MMS19: variants seen among roughly 807,000 people sequenced by gnomAD.
MMS19 encodes the protein MMS19 cytosolic iron-sulfur assembly component.
A neutral mutation model predicts 129.8 loss-of-function variants in MMS19; 77 were observed. That is an observed-to-expected ratio of 0.59 (90% CI 0.49 to 0.72). MMS19 has a LOEUF of 0.72. Among genes scored for constraint, MMS19 ranks in the 30% least tolerant of loss-of-function variants. MMS19 has a pLI of 0.00. For synonymous variants in MMS19, 491 were observed against 502.8 expected (o/e 0.98, Z 0.31); for missense variants, 1,168 against 1,266.3 (o/e 0.92, Z 1.18).
chr10:97,473,751 T>TACAAC (rs1346980112), intron 8 of MMS19, among the ~76,000 whole-genome samples: 2 of 152,162 alleles, frequency 1.3e-5, no homozygotes, highest in Non-Finnish European at 2.9e-5. Context: ...TATTGGGATA[T>TACAAC]AGCTACTGTA....
rs375900450 is a variant in MMS19, at chr10:97,465,656, T to C, written c.1756+149A>G. On this transcript the variant is annotated intron_variant, in intron 18 of 30. Coordinates refer to ENST00000438925, the MANE Select transcript of MMS19 (RefSeq NM_022362.5). ...AGTCCCATCCCTCCTCAGAGACTGA[T>C]TCAGTTGGACGCAGGCATCAGTATT... The C allele has an allele frequency of 2.7e-4, 209 of 761,590 alleles. No individual in the cohort carries two copies. In the African/African-American group the frequency reaches 3.4e-3, roughly 12 times the overall value. The allele number at this position is 761,590 out of a possible 1,614,324, so 47.2% of individuals were successfully genotyped here.
At position 97,458,730 on chromosome 10, in the gene MMS19, A is replaced by C; in HGVS notation, c.3066-11T>G. 6.2e-7 allele frequency: 1 copy of C among 1,612,086 alleles called. No individual in the cohort carries two copies. Among genetic ancestry groups the C allele is most frequent in the Non-Finnish European group, 8.5e-7 (1 of 1,178,998 alleles). ...CTCCCCAACAGAAACCTGTAGGCAAAAAGAAAGTTGGCAGCATTAGTGATG... is the reference window on the plus strand; with the variant it reads ...CTCCCCAACAGAAACCTGTAGGCAACAAGAAAGTTGGCAGCATTAGTGATG... On this transcript the variant is annotated splice_polypyrimidine_tract_variant and intron_variant, in intron 30 of 30. Transcript: ENST00000438925.
intron 2 of MMS19, among the ~76,000 whole-genome samples, chr10:97,483,221 T>A (rs2037201546): frequency 6.6e-6 from 1 of 152,058 alleles, no homozygotes; most frequent in Non-Finnish European, 1.5e-5. Flanking sequence ...CCTAGCTAAT[T>A]TTTTGTATTT....
chr10:97,492,318 C>T (rs1237006022), intron 1 of MMS19, among the ~76,000 whole-genome samples: 1 of 149,298 alleles, frequency 6.7e-6, no homozygotes, highest in Admixed American at 6.7e-5. Context: ...AAAAAAAATA[C>T]AAAAATATTA....
At position 97,465,773 on chromosome 10, in the gene MMS19, C is replaced by T. The variant is rs186570388; in HGVS notation, c.1756+32G>A. On this transcript the variant is annotated intron_variant, in intron 18 of 30. Coordinates refer to ENST00000438925, the MANE Select transcript of MMS19 (RefSeq NM_022362.5). ...TAGAGACTACAGCTCCCTATTCAGC[C>T]CAGTCCGTTGGTGGTTATTCCTAGT... 236 of 1,597,942 alleles carry T rather than the reference C, an allele frequency of 1.5e-4. 3 individuals are homozygous for T. The African/African-American group carries it at 2.6e-3, about 17-fold the overall frequency.
At chr10:97,496,033 G>A (rs1205913843) in intron 1 of MMS19, among the ~76,000 whole-genome samples, 1 of 152,094 alleles carries the variant, frequency 6.6e-6, no homozygotes, top group Non-Finnish European at 1.5e-5. Context: ...CGCCTACCTT[G>A]TTCTCTCAAA....
intron 19 of MMS19, among the ~76,000 whole-genome samples, chr10:97,463,612 T>C (rs2032650966): frequency 6.6e-6 from 1 of 152,210 alleles, no homozygotes; most frequent in African/African-American, 2.4e-5. Context: ...ACTAATCACA[T>C]AGCACTTCAT....
chr10:97,463,805 C>A, intron 19 of MMS19, 53 bp downstream of exon 19: 1 of 1,529,292 alleles, frequency 6.5e-7, no homozygotes, highest in Non-Finnish European at 9.0e-7. Context: ...TGCTGTTCAA[C>A]ACCAGCAGAG....
intron 1 of MMS19, among the ~76,000 whole-genome samples, chr10:97,490,418 A>T (rs2038674493): frequency 6.6e-6 from 1 of 152,188 alleles, no homozygotes; most frequent in Non-Finnish European, 1.5e-5. Context: ...TAACTCACAT[A>T]TATTGAAGAG....
rs1564617544 is a variant in MMS19, at chr10:97,460,910, GAGA to G, written c.2406_2408del (p.Leu803del). Reference sequence around the variant, plus strand: ...AGACTCCACTCCAACTCCTTACCCAGAGAAGAAGAGTGAAGGCCTGACTACGAC... The same window carrying G: ...AGACTCCACTCCAACTCCTTACCCAGAGAAGAGTGAAGGCCTGACTACGAC... On this transcript the variant is annotated inframe_deletion, in exon 24 of 31. Coordinates refer to ENST00000438925, the MANE Select transcript of MMS19 (RefSeq NM_022362.5). 5.1e-6 allele frequency: 8 copies of G among 1,577,342 alleles called. No homozygotes were observed. The Admixed American group carries it at 5.5e-5, about 11-fold the overall frequency.
intron 1 of MMS19, among the ~76,000 whole-genome samples, chr10:97,487,395 T>G (rs1156725906): frequency 1.3e-5 from 2 of 150,062 alleles, no homozygotes; most frequent in Admixed American, 6.7e-5. Flanking sequence ...CTCGGCTCAC[T>G]GCAAGCTCCG....
intron 19 of MMS19, among the ~76,000 whole-genome samples, chr10:97,463,339 T>C (rs1220288979): frequency 1.3e-5 from 2 of 152,126 alleles, no homozygotes; most frequent in African/African-American, 2.4e-5. Flanking sequence ...GTCTGACTAT[T>C]TGTAGAAACA....
intron 1 of MMS19, among the ~76,000 whole-genome samples, chr10:97,491,623 C>G (rs981014449): frequency 3.3e-5 from 5 of 152,132 alleles, no homozygotes; most frequent in African/African-American, 1.2e-4. Context: ...CGAAATCACG[C>G]CTGGGCGATA....
At position 97,468,975 on chromosome 10, in the gene MMS19, T is replaced by C. The variant is rs2034126097; in HGVS notation, c.1054A>G (p.Ile352Val). Residue 352 changes from isoleucine to valine, a missense_variant, in exon 12 of 31, where the codon ATT becomes GTT. By Grantham distance (29) the Ile-to-Val change is conservative (BLOSUM62 3). Coordinates refer to ENST00000438925, the MANE Select transcript of MMS19 (RefSeq NM_022362.5). ...EDLLDSFLSN[I>V]LQDCRHHLCE... ...GCCACGGCCCCATTACCCTGTAGAA[T>C]GTTGCTAAGGAAGGAGTCAAGGAGG... The C allele has an allele frequency of 6.3e-7, 1 of 1,588,958 alleles. No individual in the cohort carries two copies. The highest frequency in any genetic ancestry group is 1.8e-5 in the Admixed American group (1 of 57,054).
At chr10:97,468,527 G>T in intron 12 of MMS19, 121 bp from the exon 13 acceptor site, 1 of 979,972 alleles carries the variant, frequency 1.0e-6, no homozygotes, top group Non-Finnish European at 1.4e-6. Flanking sequence ...CACTCAAATT[G>T]TTTTCAATTC....
rs2033432892 is a variant in MMS19 at position 97,466,139 on chromosome 10, G to A, written c.1526C>T (p.Ala509Val). The stretch of plus-strand genomic sequence containing the variant: ...GTAGAGAGCAGCCAGGGTTCCTGAT[G>A]CTTCCAGTGCTGCCACCCTGCTGGA... ...SQSCRVAALE[A>V]SGTLAALYPV... is the part of the protein sequence containing the mutation. The change falls in exon 17 of 31, where the codon GCA (alanine) becomes GTA (valine). Residue 509 changes from alanine (A) to valine (V), a missense_variant. Ala to Val is a moderately conservative substitution (Grantham distance 64, BLOSUM62 0). Transcript: ENST00000438925. 1 of 1,574,982 alleles carries A rather than the reference G, an allele frequency of 6.3e-7. No individual in the cohort carries two copies. Among genetic ancestry groups the A allele is most frequent in the Non-Finnish European group, 8.6e-7 (1 of 1,160,240 alleles).
chr10:97,482,150 C>G (rs925724141), intron 2 of MMS19, among the ~76,000 whole-genome samples: 1 of 151,690 alleles, frequency 6.6e-6, no homozygotes, highest in African/African-American at 2.4e-5. Flanking sequence ...CACTCTAGCT[C>G]GATTAACAGA....
chr10:97,469,995 C>T, intron 10 of MMS19, 134 bp downstream of exon 10: 1 of 705,764 alleles, frequency 1.4e-6, no homozygotes, highest in Middle Eastern at 2.6e-4. Flanking sequence ...TTCAGGTCGA[C>T]ACAAAGGCCC....
chr10:97,490,263 A>G (rs949183159), intron 1 of MMS19, among the ~76,000 whole-genome samples: 2 of 151,910 alleles, frequency 1.3e-5, no homozygotes, highest in African/African-American at 4.8e-5. Context: ...ATTTTTTTGT[A>G]GGGACAGGGT....
Sources: allele counts gnomAD v4.1 joint callset (sites outside exome capture counted in the v4.1 genomes callset), GRCh38; gene constraint gnomAD v4.1.1; transcripts MANE v1.5; gene names NCBI Gene and HGNC (gene_info 2026-07-23, HGNC 2026-07-21).